The following LRRTM3 variants were observed in gnomAD, a reference collection of about 807,000 sequenced individuals.
The protein encoded by LRRTM3 is leucine rich repeat transmembrane neuronal 3.
In LRRTM3, 24 loss-of-function variants were observed where a neutral mutation model predicts 44.7. The ratio of observed to expected loss-of-function variants is 0.54; its 90% confidence interval spans 0.39 to 0.76. The LOEUF (loss-of-function observed/expected upper bound fraction) is 0.76. Among genes scored for constraint, LRRTM3 ranks in the 30% least tolerant of loss-of-function variants. LRRTM3 has a pLI of 0.00. For missense variants in LRRTM3, 587 were observed against 702.2 expected (o/e 0.84, Z 1.85); for synonymous variants, 277 against 278.7 (o/e 0.99, Z 0.06).
intron 2 of LRRTM3, among the ~76,000 whole-genome samples, chr10:67,010,220 A>T (rs1852233373): frequency 6.6e-6 from 1 of 152,196 alleles, no homozygotes; most frequent in African/African-American, 2.4e-5. Flanking sequence ...TTCTTTAGAA[A>T]AGTTATTATT....
chr10:66,935,925 GC>G (rs1319577333), intron 2 of LRRTM3, among the ~76,000 whole-genome samples: 1 of 151,914 alleles, frequency 6.6e-6, no homozygotes, highest in Non-Finnish European at 1.5e-5. Context: ...GCTTCTCAAA[GC>G]CAAATCATGC....
chr10:66,945,953 T>C (rs1241450382), intron 2 of LRRTM3, among the ~76,000 whole-genome samples: 2 of 152,044 alleles, frequency 1.3e-5, no homozygotes, highest in Non-Finnish European at 2.9e-5. Context: ...ACAATTACAG[T>C]AGTAACATCA....
At chr10:66,948,446 G>C (rs1347663425) in intron 2 of LRRTM3, among the ~76,000 whole-genome samples, 1 of 152,314 alleles carries the variant, frequency 6.6e-6, no homozygotes, top group Admixed American at 6.5e-5. Context: ...GTTTTTAAGA[G>C]AGCAGACCTG....
rs1300587041 is a variant in LRRTM3, at chr10:67,019,332, C to A, written c.1537-78255C>A. Among the ~76,000 whole-genome samples the A allele has an allele frequency of 4.6e-5, 7 of 152,176 alleles. No individual in the cohort carries two copies. In the East Asian group the frequency reaches 1.3e-3, roughly 29 times the overall value. On this transcript the variant is annotated intron_variant, in intron 2 of 2. Coordinates refer to ENST00000361320, the MANE Select transcript of LRRTM3 (RefSeq NM_178011.5). ...CTTCCGGGTCCAAGCGCTTCTCCTG[C>A]CTCACCCTCCCAAGTAGCTGGGATT...
intron 2 of LRRTM3, among the ~76,000 whole-genome samples, chr10:67,047,031 G>A (rs528054933): frequency 6.6e-6 from 1 of 152,256 alleles, no homozygotes; most frequent in African/African-American, 2.4e-5. Context: ...ATATATTCAG[G>A]GTCCAGGAGC....
At chr10:66,992,899 A>G (rs1252354551) in intron 2 of LRRTM3, among the ~76,000 whole-genome samples, 1 of 152,022 alleles carries the variant, frequency 6.6e-6, no homozygotes, top group African/African-American at 2.4e-5. Context: ...CTTCAATTTG[A>G]CCATTTTTGT....
At chr10:66,978,095 C>A (rs1016778290) in intron 2 of LRRTM3, among the ~76,000 whole-genome samples, 1 of 150,626 alleles carries the variant, frequency 6.6e-6, no homozygotes, top group East Asian at 2.0e-4. Context: ...CACACACATG[C>A]GATGACGTTC....
At chr10:67,044,513 G>C (rs1854607061) in intron 2 of LRRTM3, among the ~76,000 whole-genome samples, 1 of 152,070 alleles carries the variant, frequency 6.6e-6, no homozygotes, top group African/African-American at 2.4e-5. Flanking sequence ...ATGCTATCTG[G>C]AAAGTTTCCC....
At chr10:67,010,249 A>T (rs1051230570) in intron 2 of LRRTM3, among the ~76,000 whole-genome samples, 1 of 152,194 alleles carries the variant, frequency 6.6e-6, no homozygotes, top group Non-Finnish European at 1.5e-5. Context: ...AGCAACTAAC[A>T]TGTCTCATAA....
chr10:66,996,837 A>G (rs1851380224), intron 2 of LRRTM3, among the ~76,000 whole-genome samples: 1 of 152,072 alleles, frequency 6.6e-6, no homozygotes, highest in African/African-American at 2.4e-5. Context: ...TAAACACAGT[A>G]ATTCTAAACA....
intron 2 of LRRTM3, among the ~76,000 whole-genome samples, chr10:66,996,649 CAAAAAA>C (rs57025097): frequency 7.4e-5 from 5 of 67,644 alleles, no homozygotes; most frequent in East Asian, 6.5e-4. Flanking sequence ...TCCGTCTCTA[CAAAAAA>C]AAAAAAAAAA....
At chr10:67,040,013 G>A (rs1854295193) in intron 2 of LRRTM3, among the ~76,000 whole-genome samples, 1 of 152,044 alleles carries the variant, frequency 6.6e-6, no homozygotes. Flanking sequence ...CTCTCCATGT[G>A]CTGATCATGA....
intron 2 of LRRTM3, among the ~76,000 whole-genome samples, chr10:66,996,671 A>AAAAAAAACAT (rs1851370396): frequency 6.7e-6 from 1 of 148,252 alleles, no homozygotes; most frequent in Non-Finnish European, 1.5e-5. Context: ...AAAAAAAAAA[A>AAAAAAAACAT]GCATGTTTGT....
chr10:67,033,426 T>C (rs1202953281), intron 2 of LRRTM3, among the ~76,000 whole-genome samples: 3 of 152,154 alleles, frequency 2.0e-5, no homozygotes, highest in Non-Finnish European at 4.4e-5. Flanking sequence ...GTTCCCCAAA[T>C]CAGATTATTA....
intron 2 of LRRTM3, among the ~76,000 whole-genome samples, chr10:67,058,877 A>G (rs1379761598): frequency 2.0e-5 from 3 of 152,196 alleles, no homozygotes. Context: ...AAATGAAGAT[A>G]CTTAGTATGA....
At chr10:67,011,582 T>C (rs2133039694) in intron 2 of LRRTM3, among the ~76,000 whole-genome samples, 2 of 152,304 alleles carry the variant, frequency 1.3e-5, no homozygotes, top group Non-Finnish European at 2.9e-5. Context: ...TTGGTGATAA[T>C]ATAAATGAGT....
At chr10:67,025,973 T>C (rs1320578345) in intron 2 of LRRTM3, among the ~76,000 whole-genome samples, 1 of 150,618 alleles carries the variant, frequency 6.6e-6, no homozygotes, top group Admixed American at 6.6e-5. Context: ...ATGGATGAAA[T>C]TGGAAATCAT....
chr10:67,049,664 A>G (rs1191794095), intron 2 of LRRTM3, among the ~76,000 whole-genome samples: 1 of 152,224 alleles, frequency 6.6e-6, no homozygotes, highest in Non-Finnish European at 1.5e-5. Flanking sequence ...TTTCAGGGGT[A>G]GAATTTTAGG....
intron 2 of LRRTM3, among the ~76,000 whole-genome samples, chr10:67,068,300 T>C (rs1332034517): frequency 2.0e-5 from 3 of 152,082 alleles, no homozygotes; most frequent in Non-Finnish European, 4.4e-5. Context: ...AAAACACATA[T>C]AGATGGTGAC....
Sources: allele counts gnomAD v4.1 joint callset (sites outside exome capture counted in the v4.1 genomes callset), GRCh38; gene constraint gnomAD v4.1.1; transcripts MANE v1.5; gene names NCBI Gene and HGNC (gene_info 2026-07-23, HGNC 2026-07-21).